Variants in NIN observed in about 807,000 individuals in gnomAD.
NIN encodes the protein glycogen synthase kinase 3 beta-interacting protein.
NIN carries 137 observed loss-of-function variants against 257.6 expected under a neutral mutation model. The observed-to-expected ratio is 0.53, with a 90% CI of 0.46 to 0.61. The LOEUF (loss-of-function observed/expected upper bound fraction) is 0.61, where lower values mean the gene tolerates loss of function less well. NIN is among the 20% of genes least tolerant of loss of function. NIN has a pLI of 0.00. For missense variants in NIN, 2,439 were observed against 2,501.2 expected (o/e 0.98, Z 0.53); for synonymous variants, 918 against 919.8 (o/e 1.00, Z 0.04).
chr14:50,737,516 A>T (rs1566785951), intron 27 of NIN, among the ~76,000 whole-genome samples: 2 of 150,184 alleles, frequency 1.3e-5, no homozygotes. Context: ...AAAAAAAAAA[A>T]AAAAGCCCAT....
Position 50,722,406 on chromosome 14 carries a change from C to T in NIN, c.*1057G>A, listed in dbSNP as rs540745349. ...TAACCCTAAAATCAAGGCCTTTTTT[C>T]CCCCAGAATATTAAATTTACTAAAA... On this transcript the variant is annotated 3_prime_UTR_variant, in exon 31 of 31. Coordinates refer to ENST00000530997, the MANE Select transcript of NIN (RefSeq NM_020921.4). 3.6e-4 allele frequency: 77 copies of T among 212,094 alleles called. No individual in the cohort carries two copies. In the East Asian group the frequency reaches 5.4e-3, roughly 15 times the overall value. The allele number at this position is 212,094 out of a possible 1,614,324, so 13.1% of individuals were successfully genotyped here.
chr14:50,758,786 G>A (rs2042150563), intron 17 of NIN, among the ~76,000 whole-genome samples, 156 bp from the exon 18 acceptor site: 1 of 152,184 alleles, frequency 6.6e-6, no homozygotes, highest in Non-Finnish European at 1.5e-5. Context: ...CATTTATACT[G>A]GAAAGGGATC....
At chr14:50,742,770 C>G (rs550159947) in intron 24 of NIN, among the ~76,000 whole-genome samples, 27 of 152,168 alleles carry the variant, frequency 1.8e-4, no homozygotes, top group African/African-American at 6.5e-4. Context: ...AATTTAAATT[C>G]ATAAAGGGAA....
At position 50,770,509 on chromosome 14, in the gene NIN, C is replaced by G. The variant is rs188064359; in HGVS notation, c.1313G>C (p.Arg438Pro). Reference protein sequence around the residue: ...ERIAALKNELRKEREQILQQA... With the variant: ...ERIAALKNELPKEREQILQQA... ...CTGCAGGATCTGCTCTCTCTCTTTT[C>G]GGAGTTCATTTTTTAAGGCTGCTAT... Residue 438 changes from arginine to proline, a missense_variant, in exon 12 of 31, where the codon CGA becomes CCA. Physicochemically the swap from Arg to Pro is moderately radical, Grantham distance 103 (BLOSUM62 -2). Transcript: ENST00000530997. The G allele has an allele frequency of 6.2e-7, 1 of 1,614,192 alleles. No individual in the cohort carries two copies. Among genetic ancestry groups the G allele is most frequent in the Non-Finnish European group, 8.5e-7 (1 of 1,180,036 alleles).
Position 50,763,960 on chromosome 14 carries a change from A to G in NIN, c.1640T>C (p.Leu547Pro). The G allele has an allele frequency of 4.3e-6, 7 of 1,613,390 alleles. No homozygotes were observed. The highest frequency in any genetic ancestry group is 5.9e-6 in the Non-Finnish European group (7 of 1,179,366). Residue 547 changes from leucine to proline, a missense_variant, in exon 15 of 31, where the codon CTA (leucine) becomes CCA (proline). Coordinates refer to ENST00000530997, the MANE Select transcript of NIN (RefSeq NM_020921.4). The stretch of plus-strand genomic sequence containing the variant: ...CTGGAGTTCATCTACTTGGTCTTGT[A>G]GTACCTGGGATTTAAAAACCAACAC... ...RNEYERQCRV[L>P]QDQVDELQSE...
rs2040253483 is a variant in NIN, at chr14:50,720,635, A to T, written c.*2828T>A. 1 of 207,078 alleles carries T rather than the reference A, an allele frequency of 4.8e-6. No homozygotes were observed. Among genetic ancestry groups the T allele is most frequent in the East Asian group, 7.4e-5 (1 of 13,536 alleles). The allele number at this position is 207,078 out of a possible 1,614,324, so 12.8% of individuals were successfully genotyped here. On this transcript the variant is annotated 3_prime_UTR_variant, in exon 31 of 31. Transcript: ENST00000530997. ...GAATTCACATTTAAAACAGTTTAAA[A>T]AATCTGGATTTAGTAAGAGTTTTAG...
intron 12 of NIN, among the ~76,000 whole-genome samples, chr14:50,769,693 G>C (rs2042647216): frequency 6.6e-6 from 1 of 152,080 alleles, no homozygotes; most frequent in African/African-American, 2.4e-5. Flanking sequence ...GTAGAGACAG[G>C]GTTTCACGAT....
At chr14:50,728,085 TG>T (rs1274921906) in intron 29 of NIN, among the ~76,000 whole-genome samples, 1 of 152,138 alleles carries the variant, frequency 6.6e-6, no homozygotes, top group Non-Finnish European at 1.5e-5. Flanking sequence ...TCTTAGTTTT[TG>T]TCTAATCCTG....
chr14:50,770,966 T>G lies in NIN; in HGVS notation c.1145A>C (p.Glu382Ala). ...CAGATCTGACCGTAGCTTCTCTTTT[T>G]CTCTGACCACCTGATCAACTCGTTC... is the stretch of plus-strand genomic sequence containing the variant. ...LLERVDQVVREKEKLRSDLDK... is the reference protein window; with the variant it reads ...LLERVDQVVRAKEKLRSDLDK... Residue 382 changes from glutamate to alanine, a missense_variant, in exon 11 of 31, where the codon GAA becomes GCA. Coordinates refer to ENST00000530997, the MANE Select transcript of NIN (RefSeq NM_020921.4). 1 of 1,614,196 alleles carries G rather than the reference T, an allele frequency of 6.2e-7. No homozygotes were observed.
intron 4 of NIN, 45 bp downstream of exon 4, chr14:50,806,692 C>A: frequency 9.4e-7 from 1 of 1,063,980 alleles, no homozygotes; most frequent in Non-Finnish European, 1.4e-6. Context: ...CTTCCCCGGA[C>A]AACTTTTAAA....
intron 22 of NIN, among the ~76,000 whole-genome samples, chr14:50,745,464 C>A (rs1475703268): frequency 6.6e-6 from 1 of 152,178 alleles, no homozygotes; most frequent in Admixed American, 6.5e-5. Flanking sequence ...TTTCACTTGA[C>A]TCTTCAATTC....
At chr14:50,738,417 A>T in intron 26 of NIN, 131 bp from the exon 27 acceptor site, 1 of 780,036 alleles carries the variant, frequency 1.3e-6, no homozygotes, top group Non-Finnish European at 2.0e-6. Flanking sequence ...AAGCCTGTAA[A>T]TACTTGAAGC....
chr14:50,790,080 G>A (rs1019531141), intron 5 of NIN, among the ~76,000 whole-genome samples: 1 of 151,976 alleles, frequency 6.6e-6, no homozygotes, highest in East Asian at 1.9e-4. Flanking sequence ...TTGGAGACAA[G>A]GTCTTGCTCT....
Position 50,760,323 on chromosome 14 carries a change from C to G in NIN, c.1933G>C (p.Val645Leu). ...TTCTCCTGTGCCTTCTTGCAGCTGA[C>G]CACGGTTTCGTCCAGCTGCTTTTCA... ...HYEKQLDETV[V>L]SCKKAQENMK... Residue 645 changes from valine (V) to leucine (L), a missense_variant, in exon 17 of 31, where the codon GTC becomes CTC. By Grantham distance (32) the Val-to-Leu change is conservative. Transcript: ENST00000530997. 1 of 1,607,216 alleles carries G rather than the reference C, an allele frequency of 6.2e-7. No individual in the cohort carries two copies. The highest frequency in any genetic ancestry group is 1.1e-5 in the South Asian group (1 of 91,072).
chr14:50,794,923 G>T (rs1325026088), intron 4 of NIN, among the ~76,000 whole-genome samples: 1 of 152,160 alleles, frequency 6.6e-6, no homozygotes, highest in Non-Finnish European at 1.5e-5. Flanking sequence ...ATTCAAAACA[G>T]CTCTTTTTCT....
intron 20 of NIN, 60 bp from the exon 21 acceptor site, chr14:50,752,793 A>C (rs2041847259): frequency 1.0e-6 from 1 of 976,504 alleles, no homozygotes; most frequent in Admixed American, 2.7e-5. Flanking sequence ...AAAAAAAAAA[A>C]AAAACAGATT....
intron 20 of NIN, among the ~76,000 whole-genome samples, 197 bp from the exon 21 acceptor site, chr14:50,752,930 C>T (rs1395531165): frequency 6.6e-6 from 1 of 152,164 alleles, no homozygotes; most frequent in Non-Finnish European, 1.5e-5. Context: ...AAGTGAGACA[C>T]TCAGTCTGAC....
At chr14:50,799,255 G>A (rs1259941933) in intron 4 of NIN, among the ~76,000 whole-genome samples, 4 of 152,164 alleles carry the variant, frequency 2.6e-5, no homozygotes, top group African/African-American at 9.7e-5. Flanking sequence ...CTGGAAGGAG[G>A]GAAAACAATA....
chr14:50,795,428 C>T (rs2043795176), intron 4 of NIN, among the ~76,000 whole-genome samples: 1 of 152,188 alleles, frequency 6.6e-6, no homozygotes, highest in Non-Finnish European at 1.5e-5. Flanking sequence ...GCGCTGAAAA[C>T]ACTATGATTC....
Sources: allele counts gnomAD v4.1 joint callset (sites outside exome capture counted in the v4.1 genomes callset), GRCh38; gene constraint gnomAD v4.1.1; transcripts MANE v1.5; gene names NCBI Gene and HGNC (gene_info 2026-07-23, HGNC 2026-07-21).